SNTB1: variants seen among roughly 807,000 people sequenced by gnomAD.
The protein encoded by SNTB1 is syntrophin beta 1, also known as beta-1-syntrophin.
Under a neutral mutation model 48.9 loss-of-function variants are expected in SNTB1, and 36 were observed. The ratio of observed to expected loss-of-function variants is 0.74; its 90% CI spans 0.56 to 0.97. SNTB1 has a LOEUF of 0.97. Ranked by LOEUF, SNTB1 falls within the 50% of genes least tolerant of loss-of-function variation. The pLI, the probability that SNTB1 is intolerant of heterozygous loss-of-function variation, is 0.00. For synonymous variants in SNTB1, 299 were observed against 294.6 expected, an observed-to-expected ratio of 1.01 and a Z score of -0.15; for missense variants, 786 against 703.4, an observed-to-expected ratio of 1.12 and a Z score of -1.33.
rs140148929 is a variant in SNTB1 at position 120,693,877 on chromosome 8, C to T, written c.603G>A (p.Val201=). ...TCTCGGATACTGGGGATCCTTTCTT[C>T]ACATAGGGCGTGGCTTCTCGCATGT... The part of the protein sequence containing the change: ...VKYMREATPY[V]KKGSPVSEIG... Residue 201 remains valine (V), a synonymous_variant, in exon 2 of 7, where the codon GTG becomes GTA. Transcript: ENST00000517992. The T allele has an allele frequency of 2.2e-5, 36 of 1,613,984 alleles. No homozygotes were observed. Among genetic ancestry groups the T allele is most frequent in the Middle Eastern group, 1.6e-4 (1 of 6,082 alleles).
intron 4 of SNTB1, among the ~76,000 whole-genome samples, chr8:120,571,682 A>G (rs1216624623): frequency 6.6e-6 from 1 of 151,582 alleles, no homozygotes. Context: ...TATTTTTAGT[A>G]GAGATGGGGT....
At chr8:120,632,719 AC>A in intron 2 of SNTB1, 68 bp from the exon 3 acceptor site, 3 of 1,336,006 alleles carry the variant, frequency 2.2e-6, no homozygotes, top group Non-Finnish European at 3.2e-6. Flanking sequence ...GATCTGGGTC[AC>A]AAAGGTGAAT....
At chr8:120,621,433 A>C (rs1273822006) in intron 3 of SNTB1, among the ~76,000 whole-genome samples, 1 of 152,230 alleles carries the variant, frequency 6.6e-6, no homozygotes, top group Admixed American at 6.5e-5. Context: ...TACAGAGCAG[A>C]GAATAAAAGA....
At chr8:120,645,590 G>A (rs1392736497) in intron 2 of SNTB1, among the ~76,000 whole-genome samples, 1,981 of 143,974 alleles carry the variant, frequency 0.014, 51 homozygotes, top group African/African-American at 0.048. Flanking sequence ...TTTGAAGTCA[G>A]GTAGTGTGAT....
chr8:120,700,268 G>A (rs929290090), intron 1 of SNTB1, among the ~76,000 whole-genome samples: 16 of 151,876 alleles, frequency 1.1e-4, no homozygotes, highest in Non-Finnish European at 2.9e-5. Context: ...ACATGAGAGA[G>A]TTTGATTTTG....
chr8:120,571,096 A>C lies in SNTB1; in HGVS notation c.1136+3990T>G, dbSNP rs1815834849. 9 of 676,522 alleles carry C rather than the reference A, an allele frequency of 1.3e-5. No individual in the cohort carries two copies. The South Asian group carries it at 2.1e-4, about 15-fold the overall frequency. The allele number at this position is 676,522 out of a possible 1,614,324, so 41.9% of individuals were successfully genotyped here. A position where few individuals can be genotyped will look rare whatever the true frequency, so the allele number is the denominator to read the frequency against. ...ATTTATAAATGTTGACTGATGAATG[A>C]ATGAATGAATGAAAAAGCAGTCCCC... On this transcript the variant is annotated intron_variant, in intron 4 of 6. Transcript: ENST00000517992.
At chr8:120,686,596 G>C (rs1199515108) in intron 2 of SNTB1, among the ~76,000 whole-genome samples, 1 of 151,612 alleles carries the variant, frequency 6.6e-6, no homozygotes, top group Non-Finnish European at 1.5e-5. Context: ...AATTTGGGGG[G>C]TGGGGGGACA....
chr8:120,611,822 GAA>G (rs397892337), intron 3 of SNTB1, among the ~76,000 whole-genome samples: 1,025 of 58,414 alleles, frequency 0.018, 4 homozygotes, highest in Middle Eastern at 0.056. Context: ...ACTCTGTCTC[GAA>G]AAAAAAAAAA....
At chr8:120,773,791 A>C (rs150054454) in intron 1 of SNTB1, among the ~76,000 whole-genome samples, 281 of 152,364 alleles carry the variant, frequency 1.8e-3, no homozygotes, top group African/African-American at 6.3e-3. Context: ...AGGACATTGA[A>C]AGGAGAATAA....
At chr8:120,663,177 A>G (rs978658258) in intron 2 of SNTB1, among the ~76,000 whole-genome samples, 1 of 152,126 alleles carries the variant, frequency 6.6e-6, no homozygotes, top group Non-Finnish European at 1.5e-5. Context: ...GAAAGAAATT[A>G]CCTCTCTGCA....
Position 120,698,425 on chromosome 8 carries a change from T to A in SNTB1, c.572-4517A>T, listed in dbSNP as rs549398195. On this transcript the variant is annotated intron_variant, in intron 1 of 6. Transcript: ENST00000517992. ...TGAGGTTCTGGTAGTTTTTTTCATA[T>A]CTATCCTGAGGGAGAATAAGTAACA... 9.8e-5 allele frequency among the ~76,000 whole-genome samples: 15 copies of A among 152,294 alleles called. No homozygotes were observed. The South Asian group carries it at 3.1e-3, about 32-fold the overall frequency.
chr8:120,663,754 G>C (rs1343188862), intron 2 of SNTB1, among the ~76,000 whole-genome samples: 1 of 152,122 alleles, frequency 6.6e-6, no homozygotes, highest in East Asian at 1.9e-4. Flanking sequence ...TATCATGCTG[G>C]GGAAGACAGA....
chr8:120,583,439 G>A (rs778687608), intron 3 of SNTB1, among the ~76,000 whole-genome samples: 3 of 151,698 alleles, frequency 2.0e-5, no homozygotes, highest in African/African-American at 7.3e-5. Flanking sequence ...TTGAACCCAG[G>A]GGGTGGAGGT....
intron 2 of SNTB1, among the ~76,000 whole-genome samples, chr8:120,687,069 A>C (rs376145764): frequency 2.0e-5 from 3 of 152,330 alleles, no homozygotes; most frequent in African/African-American, 7.2e-5. Context: ...AAAGGAGGAA[A>C]TGTTTCAATA....
intron 2 of SNTB1, among the ~76,000 whole-genome samples, chr8:120,674,985 C>A (rs1436512005): frequency 6.6e-6 from 1 of 152,146 alleles, no homozygotes; most frequent in Non-Finnish European, 1.5e-5. Flanking sequence ...CAAACAGAGA[C>A]AAAGGTTCCT....
chr8:120,779,041 C>A (rs980663392), intron 1 of SNTB1, among the ~76,000 whole-genome samples: 4 of 151,806 alleles, frequency 2.6e-5, no homozygotes, highest in Non-Finnish European at 5.9e-5. Context: ...CACGTGGGGC[C>A]CTGGATATAT....
At chr8:120,551,138 T>G (rs1013366254) in intron 4 of SNTB1, among the ~76,000 whole-genome samples, 2 of 151,438 alleles carry the variant, frequency 1.3e-5, no homozygotes, top group African/African-American at 2.4e-5. Flanking sequence ...CACCTGTAAT[T>G]CCAGCTACTT....
chr8:120,727,617 A>G (rs1370837783), intron 1 of SNTB1, among the ~76,000 whole-genome samples: 2 of 152,202 alleles, frequency 1.3e-5, no homozygotes. Flanking sequence ...TTTTTTCATC[A>G]TATGTAGACT....
In SNTB1 at chr8:120,576,419, G is replaced by A. The variant is rs190630812; in HGVS notation, c.997-1194C>T. ...ACACAGTGGAATCCGTATAGAGATA[G>A]AAGCATGTGTGTAGCTCTTGCTTTA... On this transcript the variant is annotated intron_variant, in intron 3 of 6. Coordinates refer to ENST00000517992, the MANE Select transcript of SNTB1 (RefSeq NM_021021.4). Among the ~76,000 whole-genome samples the A allele has an allele frequency of 9.9e-4, 151 of 152,334 alleles. No homozygotes were observed. The East Asian group carries it at 0.027, about 27-fold the overall frequency.
Sources: allele counts gnomAD v4.1 joint callset (sites outside exome capture counted in the v4.1 genomes callset), GRCh38; gene constraint gnomAD v4.1.1; transcripts MANE v1.5; gene names NCBI Gene and HGNC (gene_info 2026-07-23, HGNC 2026-07-21).